LPP: variants seen among roughly 807,000 people sequenced by gnomAD.
LPP encodes the protein lipoma-preferred partner.
LPP carries 38 observed loss-of-function variants against 60.4 expected under a neutral mutation model. The observed-to-expected ratio is 0.63, with a 90% confidence interval of 0.49 to 0.83. The LOEUF is 0.83. LPP is among the 40% of genes least tolerant of loss of function. The pLI, the probability that LPP is intolerant of heterozygous loss-of-function variation, is 0.00. For missense variants in LPP, 902 were observed against 783.6 expected, an observed-to-expected ratio of 1.15 and a Z score of -1.80; for synonymous variants, 328 against 290.8, an observed-to-expected ratio of 1.13 and a Z score of -1.30.
intron 7 of LPP, among the ~76,000 whole-genome samples, chr3:188,636,059 T>A (rs1040163771): frequency 1.3e-5 from 2 of 152,230 alleles, no homozygotes; most frequent in African/African-American, 4.8e-5. Context: ...GGAGCCAAGA[T>A]GGCCGAATAG....
chr3:188,164,466 G>T (rs1719324610), intron 1 of LPP, among the ~76,000 whole-genome samples: 1 of 152,166 alleles, frequency 6.6e-6, no homozygotes, highest in Non-Finnish European at 1.5e-5. Context: ...CACTGAAGAT[G>T]GTTCTTGTTT....
intron 6 of LPP, among the ~76,000 whole-genome samples, chr3:188,602,676 T>C (rs902307115): frequency 6.6e-6 from 1 of 151,366 alleles, no homozygotes; most frequent in African/African-American, 2.4e-5. Context: ...TCTTTTTTTT[T>C]CTCCTGAGTG....
chr3:188,748,079 A>G lies in LPP; in HGVS notation c.1241-12034A>G, dbSNP rs554317922. Among the ~76,000 whole-genome samples, 10 of 152,302 alleles carry G rather than the reference A, an allele frequency of 6.6e-5. No individual in the cohort carries two copies. In the East Asian group the frequency reaches 1.9e-3, roughly 29 times the overall value. On this transcript the variant is annotated intron_variant, in intron 8 of 11. Transcript: ENST00000617246. ...GAAATTTTTTAGAATGTCATTGCTGATGGAAGCCCCAGATATATAAGTACA... is the reference window on the plus strand; with the variant it reads ...GAAATTTTTTAGAATGTCATTGCTGGTGGAAGCCCCAGATATATAAGTACA...
Position 188,372,707 on chromosome 3 carries a change from A to T in LPP, c.-10+30988A>T, listed in dbSNP as rs1431920929. On this transcript the variant is annotated intron_variant, in intron 3 of 11. Coordinates refer to ENST00000617246, the MANE Select transcript of LPP (RefSeq NM_001375462.1). ...TGGCTTCTTTTTGTTTTTTTTTTTT[A>T]AATTTTATTATTATTATACTTTAAG... 2.5e-3 allele frequency among the ~76,000 whole-genome samples: 368 copies of T among 148,052 alleles called. 1 individual carries two copies. Among genetic ancestry groups the T allele is most frequent in the African/African-American group, 7.6e-3 (302 of 39,972 alleles).
In LPP at chr3:188,636,906, G is replaced by A. The variant is rs1050974956; in HGVS notation, c.1113+27062G>A. Among the ~76,000 whole-genome samples the A allele has an allele frequency of 9.0e-5, 13 of 144,160 alleles. 1 individual carries two copies. The highest frequency in any genetic ancestry group is 1.7e-4 in the Non-Finnish European group (11 of 65,834). The allele number at this position is 144,160 out of a possible 152,430, so 94.6% of individuals were successfully genotyped here. A position where few individuals can be genotyped will look rare whatever the true frequency, so the allele number is the denominator to read the frequency against. On this transcript the variant is annotated intron_variant, in intron 7 of 11. Coordinates refer to ENST00000617246, the MANE Select transcript of LPP (RefSeq NM_001375462.1). ...GGACATCCACACCAAAAACCCATCT[G>A]TACATCACCATCATCAAAGACCAAA...
chr3:188,520,987 T>G (rs140978447), intron 5 of LPP, among the ~76,000 whole-genome samples: 2 of 152,282 alleles, frequency 1.3e-5, no homozygotes, highest in East Asian at 3.9e-4. Flanking sequence ...TATAAGGGAT[T>G]GAGAGTAGCA....
intron 2 of LPP, among the ~76,000 whole-genome samples, chr3:188,286,701 T>C (rs1744037667): frequency 6.6e-6 from 1 of 152,186 alleles, no homozygotes; most frequent in African/African-American, 2.4e-5. Flanking sequence ...TTTATGAGGA[T>C]GGCTGGTAAA....
At chr3:188,653,969 G>T (rs1158735548) in intron 7 of LPP, among the ~76,000 whole-genome samples, 1 of 152,142 alleles carries the variant, frequency 6.6e-6, no homozygotes, top group Non-Finnish European at 1.5e-5. Flanking sequence ...ATAGGGTAAA[G>T]GATTATCATG....
chr3:188,542,151 C>T (rs186024317), intron 6 of LPP, among the ~76,000 whole-genome samples: 3 of 152,246 alleles, frequency 2.0e-5, no homozygotes, highest in Admixed American at 6.5e-5. Context: ...TCTGCCATAC[C>T]TAGAAACGTG....
At chr3:188,553,446 A>G (rs1272737965) in intron 6 of LPP, among the ~76,000 whole-genome samples, 1 of 152,168 alleles carries the variant, frequency 6.6e-6, no homozygotes, top group African/African-American at 2.4e-5. Flanking sequence ...ATGGCCGCAC[A>G]TTGAGCTCGT....
intron 2 of LPP, among the ~76,000 whole-genome samples, chr3:188,244,917 G>A (rs899846530): frequency 6.6e-6 from 1 of 152,140 alleles, no homozygotes; most frequent in African/African-American, 2.4e-5. Flanking sequence ...AATGAATGAT[G>A]GATGAATGAT....
chr3:188,416,015 G>A (rs1786169576), intron 4 of LPP, among the ~76,000 whole-genome samples: 1 of 151,988 alleles, frequency 6.6e-6, no homozygotes, highest in South Asian at 2.1e-4. Flanking sequence ...ATGTATTACA[G>A]CTTTATGAGC....
intron 5 of LPP, among the ~76,000 whole-genome samples, chr3:188,506,136 ATC>A: frequency 6.6e-6 from 1 of 152,084 alleles, no homozygotes; most frequent in Non-Finnish European, 1.5e-5. Flanking sequence ...GATCATCTTG[ATC>A]TCTCTCTTCT....
At chr3:188,577,761 GTTCC>G (rs1396196937) in intron 6 of LPP, among the ~76,000 whole-genome samples, 9 of 113,304 alleles carry the variant, frequency 7.9e-5, no homozygotes, top group African/African-American at 1.6e-4. Flanking sequence ...TCGTTCCTTC[GTTCC>G]TTCCTTCCTT....
At chr3:188,760,419 T>TGTGTGTG (rs1731851315) in intron 9 of LPP, 137 bp downstream of exon 9, 1 of 702,060 alleles carries the variant, frequency 1.4e-6, no homozygotes, top group African/African-American at 1.8e-5. Context: ...GGTGTGTGTG[T>TGTGTGTG]GTGTGTGTGT....
chr3:188,837,947 C>T (rs1468565900), intron 9 of LPP, among the ~76,000 whole-genome samples: 1 of 152,036 alleles, frequency 6.6e-6, no homozygotes, highest in Non-Finnish European at 1.5e-5. Flanking sequence ...ATCTCTCTAT[C>T]TAGTGTGGGA....
chr3:188,171,035 TG>T (rs1721445290), intron 1 of LPP, among the ~76,000 whole-genome samples: 1 of 113,048 alleles, frequency 8.8e-6, no homozygotes, highest in Non-Finnish European at 1.7e-5. Flanking sequence ...AAAGGAACAC[TG>T]GCAAACCTGG....
At chr3:188,371,616 A>ATATATAT (rs1773099804) in intron 3 of LPP, among the ~76,000 whole-genome samples, 3 of 24,376 alleles carry the variant, frequency 1.2e-4, no homozygotes, top group Non-Finnish European at 1.8e-4. Flanking sequence ...GTGGTGGGAA[A>ATATATAT]ATATATATAT....
At chr3:188,756,665 C>A (rs1190352680) in intron 8 of LPP, among the ~76,000 whole-genome samples, 1 of 152,136 alleles carries the variant, frequency 6.6e-6, no homozygotes, top group African/African-American at 2.4e-5. Flanking sequence ...CTTTTCTGTC[C>A]TACTGATGTG....
Sources: allele counts gnomAD v4.1 joint callset (sites outside exome capture counted in the v4.1 genomes callset), GRCh38; gene constraint gnomAD v4.1.1; transcripts MANE v1.5; gene names NCBI Gene and HGNC (gene_info 2026-07-23, HGNC 2026-07-21).